The following CYP3A43 variants were observed in gnomAD, a reference collection of about 807,000 sequenced individuals.
The protein encoded by CYP3A43 is cytochrome P450 3A43.
Under a neutral mutation model 58.0 loss-of-function variants are expected in CYP3A43, and 45 were observed. The observed-to-expected ratio is 0.78, with a 90% CI of 0.61 to 0.99. The LOEUF (loss-of-function observed/expected upper bound fraction) is 0.99, where lower values mean the gene tolerates loss of function less well. Among genes scored for constraint, CYP3A43 ranks in the 50% least tolerant of loss-of-function variants. CYP3A43 has a pLI of 0.00. For synonymous variants in CYP3A43, 191 were observed against 201.4 expected (o/e 0.95, Z 0.44); for missense variants, 593 against 591.9 (o/e 1.00, Z -0.02).
intron 9 of CYP3A43, among the ~76,000 whole-genome samples, chr7:99,857,910 A>G (rs920991929): frequency 2.6e-5 from 4 of 152,100 alleles, no homozygotes; most frequent in African/African-American, 9.7e-5. Flanking sequence ...CAAACACACC[A>G]TTGTAAATAT....
intron 7 of CYP3A43, among the ~76,000 whole-genome samples, chr7:99,853,411 T>C (rs1817836686): frequency 6.6e-6 from 1 of 152,214 alleles, no homozygotes; most frequent in South Asian, 2.1e-4. Context: ...AGAATATCCT[T>C]ATGCTAATTT....
intron 1 of CYP3A43, among the ~76,000 whole-genome samples, chr7:99,831,700 T>C (rs191467692): frequency 6.6e-6 from 1 of 152,132 alleles, no homozygotes; most frequent in East Asian, 1.9e-4. Flanking sequence ...ACTTAATGGG[T>C]TTTCCTGCAG....
At chr7:99,863,491 T>C (rs776720793) in intron 11 of CYP3A43, 46 bp from the exon 12 acceptor site, 1 of 1,515,886 alleles carries the variant, frequency 6.6e-7, no homozygotes, top group Non-Finnish European at 8.9e-7. Context: ...GTTTTAATAG[T>C]TTTTATGTTT....
At chr7:99,855,206 G>A (rs139426249) in intron 7 of CYP3A43, among the ~76,000 whole-genome samples, 2,812 of 152,208 alleles carry the variant, frequency 0.018, 32 homozygotes, top group Non-Finnish European at 0.027. Context: ...GACATTTGCC[G>A]TATTGTTTCT....
At chr7:99,838,997 G>A in intron 2 of CYP3A43, 123 bp from the exon 3 acceptor site, 1 of 1,110,882 alleles carries the variant, frequency 9.0e-7, no homozygotes, top group Non-Finnish European at 1.3e-6. Context: ...CCCTCTAACT[G>A]CCAGTAAATG....
At chr7:99,843,025 G>A (rs372078052) in intron 3 of CYP3A43, among the ~76,000 whole-genome samples, 102 of 152,314 alleles carry the variant, frequency 6.7e-4, no homozygotes, top group African/African-American at 2.0e-3. Context: ...AGTTGAATGC[G>A]TAATCGACTT....
chr7:99,850,954 G>A (rs750471112), intron 7 of CYP3A43, among the ~76,000 whole-genome samples: 16 of 152,032 alleles, frequency 1.1e-4, no homozygotes, highest in Non-Finnish European at 8.8e-5. Context: ...AGATCACAAG[G>A]TCAAGAGATC....
In CYP3A43 at chr7:99,863,522, C is replaced by G; in HGVS notation, c.1254-15C>G. ...TGTTTCATTAACTAGTTTTTATGTA[C>G]TACTGTGAAAGTAGGTTCAGTAAGA... is the stretch of plus-strand genomic sequence containing the variant. On this transcript the variant is annotated splice_polypyrimidine_tract_variant and intron_variant, in intron 11 of 12. Coordinates refer to ENST00000354829, the MANE Select transcript of CYP3A43 (RefSeq NM_057095.3). 1 of 1,585,680 alleles carries G rather than the reference C, an allele frequency of 6.3e-7. No individual in the cohort carries two copies.
intron 10 of CYP3A43, among the ~76,000 whole-genome samples, chr7:99,860,443 T>G (rs1431464447): frequency 6.6e-6 from 1 of 152,172 alleles, no homozygotes; most frequent in Non-Finnish European, 1.5e-5. Context: ...TAGCTAGTGG[T>G]GAAGAAGCCA....
chr7:99,842,464 G>C (rs1747790943), intron 3 of CYP3A43, among the ~76,000 whole-genome samples: 1 of 152,068 alleles, frequency 6.6e-6, no homozygotes, highest in African/African-American at 2.4e-5. Context: ...ATTTATAGAA[G>C]TTTTATAGAT....
chr7:99,828,088 A>T lies in CYP3A43; in HGVS notation c.-28A>T, dbSNP rs748390766. 3 of 1,608,058 alleles carry T rather than the reference A, an allele frequency of 1.9e-6. No individual in the cohort carries two copies. Among genetic ancestry groups the T allele is most frequent in the Non-Finnish European group, 2.6e-6 (3 of 1,175,678 alleles). On this transcript the variant is annotated 5_prime_UTR_variant, in exon 1 of 13. Coordinates refer to ENST00000354829, the MANE Select transcript of CYP3A43 (RefSeq NM_057095.3). ...GCACACAGCTGAAAGAAAAACTCAGAAGACAGAGCTGAAAAAGAAAACTGG... is the reference window on the plus strand; with the variant it reads ...GCACACAGCTGAAAGAAAAACTCAGTAGACAGAGCTGAAAAAGAAAACTGG...
chr7:99,836,622 C>G (rs1480355884), intron 2 of CYP3A43, 76 bp downstream of exon 2: 1 of 1,100,078 alleles, frequency 9.1e-7, no homozygotes, highest in Non-Finnish European at 1.3e-6. Flanking sequence ...TAAAAATGCT[C>G]CTCCTCAGGA....
rs541346804 is a variant in CYP3A43 at position 99,835,252 on chromosome 7, C to T, written c.72-1201C>T. 3.3e-5 allele frequency among the ~76,000 whole-genome samples: 5 copies of T among 152,306 alleles called. 1 individual carries two copies. The South Asian group carries it at 1.0e-3, about 32-fold the overall frequency. Reference sequence around the variant, plus strand: ...CTTACGATCTGGTTTGGTTGACATACTACTTAGCAGAACAGTCTTCCCTGA... The same window carrying T: ...CTTACGATCTGGTTTGGTTGACATATTACTTAGCAGAACAGTCTTCCCTGA... On this transcript the variant is annotated intron_variant, in intron 1 of 12. Coordinates refer to ENST00000354829, the MANE Select transcript of CYP3A43 (RefSeq NM_057095.3).
chr7:99,859,785 T>C, intron 9 of CYP3A43, 45 bp from the exon 10 acceptor site: 1 of 1,612,490 alleles, frequency 6.2e-7, no homozygotes, highest in Non-Finnish European at 8.5e-7. Context: ...ACTGTGATGC[T>C]CTACACTAAC....
In CYP3A43 at chr7:99,865,350, C is replaced by A. The variant is rs1263526733; in HGVS notation, c.1417-556C>A. ...TTGAGAAGCTTCCCATTTGCATTTCCTTTGGAAATCAAGAGAAGAAGTAAA... is the reference window on the plus strand; with the variant it reads ...TTGAGAAGCTTCCCATTTGCATTTCATTTGGAAATCAAGAGAAGAAGTAAA... On this transcript the variant is annotated intron_variant, in intron 12 of 12. Coordinates refer to ENST00000354829, the MANE Select transcript of CYP3A43 (RefSeq NM_057095.3). Among the ~76,000 whole-genome samples the A allele has an allele frequency of 1.3e-5, 2 of 148,592 alleles. 1 individual carries two copies. Among genetic ancestry groups the A allele is most frequent in the African/African-American group, 5.3e-5 (2 of 38,078 alleles).
At position 99,863,555 on chromosome 7, in the gene CYP3A43, G is replaced by A; in HGVS notation, c.1272G>A (p.Lys424=). ...FCPERFSKKN[K]DSIDLYRYIP... ...AAAGTAGGTTCAGTAAGAAGAACAA[G>A]GACAGCATAGATCTTTACAGATACA... The change falls in exon 12 of 13, where the codon AAG becomes AAA. Residue 424 remains lysine, a synonymous_variant. Coordinates refer to ENST00000354829, the MANE Select transcript of CYP3A43 (RefSeq NM_057095.3). 1 of 1,607,444 alleles carries A rather than the reference G, an allele frequency of 6.2e-7. No homozygotes were observed. Among genetic ancestry groups the A allele is most frequent in the South Asian group, 1.1e-5 (1 of 89,106 alleles).
intron 2 of CYP3A43, 176 bp from the exon 3 acceptor site, chr7:99,838,944 C>A (rs1278757027): frequency 1.4e-6 from 1 of 717,874 alleles, no homozygotes; most frequent in Non-Finnish European, 2.2e-6. Context: ...CGCACCATTG[C>A]ACTCCAGCCT....
chr7:99,844,512 T>C (rs1233356049), intron 4 of CYP3A43, among the ~76,000 whole-genome samples: 2 of 152,212 alleles, frequency 1.3e-5, no homozygotes, highest in Admixed American at 6.5e-5. Context: ...TGTAGCATTA[T>C]GCAAATGTAC....
chr7:99,861,573 C>T, intron 10 of CYP3A43, 40 bp from the exon 11 acceptor site: 1 of 1,574,606 alleles, frequency 6.4e-7, no homozygotes, highest in South Asian at 1.1e-5. Flanking sequence ...AAAGTTAATT[C>T]CCAATCTCAA....
Sources: gnomAD v4.1 joint callset for allele counts (sites outside exome capture counted in the v4.1 genomes callset) on GRCh38, gnomAD v4.1.1 for gene constraint, MANE v1.5 for transcripts, NCBI Gene and HGNC (gene_info 2026-07-23, HGNC 2026-07-21) for gene names.